The following DHRS2 variants were observed in gnomAD, a reference collection of about 807,000 sequenced individuals.
DHRS2 encodes dehydrogenase/reductase SDR family member 2, mitochondrial.
In DHRS2, 29 loss-of-function variants were observed where a neutral mutation model predicts 26.3. That is an observed-to-expected ratio of 1.10 (90% CI 0.82 to 1.50). The LOEUF (loss-of-function observed/expected upper bound fraction) is 1.50, where lower values mean the gene tolerates loss of function less well. Ranked by LOEUF, DHRS2 falls within the 40% of genes most tolerant of loss-of-function variation. The pLI, the probability that DHRS2 is intolerant of heterozygous loss-of-function variation, is 0.00. For missense variants in DHRS2, 439 were observed against 367.1 expected, an observed-to-expected ratio of 1.20 and a Z score of -1.60; for synonymous variants, 164 against 151.3, an observed-to-expected ratio of 1.08 and a Z score of -0.62.
intron 7 of DHRS2, 40 bp from the exon 8 acceptor site, chr14:23,644,787 T>C (rs760325720): frequency 3.7e-6 from 6 of 1,610,684 alleles, no homozygotes; most frequent in Non-Finnish European, 5.1e-6. Context: ...CCCATCTTGT[T>C]TTAGTAGCAC....
chr14:23,639,311 G>A lies in DHRS2; in HGVS notation c.273G>A (p.Val91=), dbSNP rs1211343146. The A allele has an allele frequency of 4.4e-6, 7 of 1,591,158 alleles. No homozygotes were observed. Among genetic ancestry groups the A allele is most frequent in the Middle Eastern group, 1.7e-4 (1 of 5,954 alleles). Residue 91 remains valine, a synonymous_variant, in exon 3 of 9, where the codon GTG becomes GTA. Coordinates refer to ENST00000250383, the MANE Select transcript of DHRS2 (RefSeq NM_005794.4). The part of the protein sequence containing the change: ...QGEGLSVAGI[V]CHVGKAEDRE... ...AGGGGCTGAGTGTGGCGGGCATTGTGTGCCACGTGGGGAAGGCTGAGGACC... is the reference window on the plus strand; with the variant it reads ...AGGGGCTGAGTGTGGCGGGCATTGTATGCCACGTGGGGAAGGCTGAGGACC...
Position 23,638,856 on chromosome 14 carries a change from C to G in DHRS2, c.-9C>G, listed in dbSNP as rs1890480585. 6.2e-7 allele frequency: 1 copy of G among 1,612,146 alleles called. No individual in the cohort carries two copies. The highest frequency in any genetic ancestry group is 1.3e-5 in the African/African-American group (1 of 74,868). ...GATTCAGCAGGAAGCATCTCAGACA[C>G]CAACCACTATGCTGTCAGCAGTTGC... On this transcript the variant is annotated 5_prime_UTR_variant, in exon 2 of 9. Coordinates refer to ENST00000250383, the MANE Select transcript of DHRS2 (RefSeq NM_005794.4).
At chr14:23,645,002 A>C in intron 8 of DHRS2, 120 bp downstream of exon 8, 2 of 1,559,804 alleles carry the variant, frequency 1.3e-6, no homozygotes, top group South Asian at 1.1e-5. Flanking sequence ...TCTGGAGTCC[A>C]CATGGCCCTG....
intron 5 of DHRS2, 117 bp from the exon 6 acceptor site, chr14:23,643,994 C>T (rs1594249049): frequency 9.8e-7 from 1 of 1,021,436 alleles, no homozygotes; most frequent in East Asian, 2.4e-5. Flanking sequence ...GAGATGGGGA[C>T]AGTAATAGGA....
upstream of DHRS2, among the ~76,000 whole-genome samples, chr14:23,631,441 C>G (rs1379440319): frequency 6.6e-6 from 1 of 152,072 alleles, no homozygotes; most frequent in East Asian, 1.9e-4. Flanking sequence ...GGTTGGGGAG[C>G]TTAGAATTTT....
At chr14:23,643,244 C>T (rs780877964) in intron 5 of DHRS2, 25 bp downstream of exon 5, 2 of 1,612,224 alleles carry the variant, frequency 1.2e-6, no homozygotes, top group Non-Finnish European at 8.5e-7. Flanking sequence ...GGGTGGGGAC[C>T]AGTCGGAGTT....
intron 1 of DHRS2, among the ~76,000 whole-genome samples, chr14:23,637,129 T>C (rs1385430734): frequency 6.6e-6 from 1 of 151,238 alleles, no homozygotes; most frequent in Non-Finnish European, 1.5e-5. Context: ...CACCTATCTA[T>C]CCTATCTATC....
chr14:23,640,096 G>A (rs747701939), intron 4 of DHRS2: 2 of 688,042 alleles, frequency 2.9e-6, no homozygotes, highest in Non-Finnish European at 4.1e-6. Flanking sequence ...CTTAAATCTG[G>A]CCCCCACACT....
Position 23,638,809 on chromosome 14 carries a change from A to G in DHRS2, c.-38-18A>G. 1 of 1,585,060 alleles carries G rather than the reference A, an allele frequency of 6.3e-7. No homozygotes were observed. The highest frequency in any genetic ancestry group is 8.6e-7 in the Non-Finnish European group (1 of 1,162,674). The stretch of plus-strand genomic sequence containing the variant: ...CACTGAGGCATCAGTGATAAGTGAA[A>G]TTGATTCTTTCCCCCAGGCCTGATT... On this transcript the variant is annotated intron_variant, in intron 1 of 8. Coordinates refer to ENST00000250383, the MANE Select transcript of DHRS2 (RefSeq NM_005794.4).
intron 4 of DHRS2, chr14:23,640,418 C>T (rs1434265077): frequency 2.0e-6 from 2 of 985,388 alleles, no homozygotes; most frequent in African/African-American, 1.7e-5. Context: ...GGGGCTTAGA[C>T]ATCCCAGCCT....
chr14:23,634,291 C>A (rs891221508), upstream of DHRS2, among the ~76,000 whole-genome samples: 1 of 152,062 alleles, frequency 6.6e-6, no homozygotes, highest in African/African-American at 2.4e-5. Flanking sequence ...TGGTCTCCAT[C>A]TCCTGACCTC....
rs1342357535 is a variant in DHRS2 at position 23,636,786 on chromosome 14, G to C, written c.-39+14G>C. 6.6e-6 allele frequency: 1 copy of C among 152,188 alleles called. No individual in the cohort carries two copies. Among genetic ancestry groups the C allele is most frequent in the Non-Finnish European group, 1.5e-5 (1 of 68,042 alleles). The allele number at this position is 152,188 out of a possible 1,614,324, so 9.4% of individuals were successfully genotyped here. A position where few individuals can be genotyped will look rare whatever the true frequency, so the allele number is the denominator to read the frequency against. ...TATCGCCAAGTGGTGAGTACCATCA[G>C]ATCCCTTTCATTTGCTATTCTGTCC... On this transcript the variant is annotated intron_variant, in intron 1 of 8. Coordinates refer to ENST00000250383, the MANE Select transcript of DHRS2 (RefSeq NM_005794.4).
chr14:23,644,992 T>C (rs1890819166), intron 8 of DHRS2, 110 bp downstream of exon 8: 1 of 1,564,342 alleles, frequency 6.4e-7, no homozygotes, highest in South Asian at 1.1e-5. Flanking sequence ...TTTGCTGAAA[T>C]CTGGAGTCCA....
chr14:23,640,354 A>C, intron 4 of DHRS2: 2 of 985,478 alleles, frequency 2.0e-6, no homozygotes, highest in Non-Finnish European at 2.4e-6. Flanking sequence ...GGGGCTCCTC[A>C]CTGAGTCCCA....
intron 4 of DHRS2, 180 bp downstream of exon 4, chr14:23,640,075 G>A: frequency 1.4e-6 from 1 of 697,716 alleles, no homozygotes; most frequent in Non-Finnish European, 2.0e-6. Context: ...CTACTTTCTG[G>A]CTTGTTGGTT....
At chr14:23,640,021 G>T in intron 4 of DHRS2, 126 bp downstream of exon 4, 1 of 891,396 alleles carries the variant, frequency 1.1e-6, no homozygotes. Flanking sequence ...GGCCCTGGGT[G>T]GTAGTCCTGC....
intron 1 of DHRS2, chr14:23,637,992 G>T (rs1221058770): frequency 1.3e-5 from 2 of 152,244 alleles, no homozygotes; most frequent in Non-Finnish European, 2.9e-5. Flanking sequence ...CACTGTGGAA[G>T]TTTTGTTCTT....
In DHRS2 at chr14:23,645,555, G is replaced by A. The variant is rs1203847811; in HGVS notation, c.*302G>A. The A allele has an allele frequency of 1.1e-5, 5 of 460,460 alleles. No individual in the cohort carries two copies. Among genetic ancestry groups the A allele is most frequent in the Non-Finnish European group, 1.5e-5 (4 of 260,948 alleles). The allele number at this position is 460,460 out of a possible 1,614,324, so 28.5% of individuals were successfully genotyped here. On this transcript the variant is annotated 3_prime_UTR_variant, in exon 9 of 9. Transcript: ENST00000250383. ...TTAAGGGAAAGGAGTAGAAGCTCAG[G>A]CCTTTGAAGGATTTCAGCTCCTCCT...
chr14:23,642,627 C>G (rs1340219172), intron 4 of DHRS2: 3 of 154,512 alleles, frequency 1.9e-5, no homozygotes, highest in Admixed American at 1.9e-4. Flanking sequence ...AGTGCAGTGG[C>G]ATGATCATGG....
Sources: gnomAD v4.1 joint callset for allele counts (sites outside exome capture counted in the v4.1 genomes callset) on GRCh38, gnomAD v4.1.1 for gene constraint, MANE v1.5 for transcripts, NCBI Gene and HGNC (gene_info 2026-07-23, HGNC 2026-07-21) for gene names.